Variants in NXPE2 observed in about 807,000 individuals in gnomAD.
The protein encoded by NXPE2 is NXPE family member 2.
Under a neutral mutation model 34.4 loss-of-function variants are expected in NXPE2, and 34 were observed. The observed-to-expected ratio is 0.99, with a 90% CI of 0.75 to 1.31. The LOEUF is 1.31. Ranked by LOEUF, NXPE2 falls within the 40% of genes most tolerant of loss-of-function variation. NXPE2 has a pLI of 0.00. For missense variants in NXPE2, 649 were observed against 672.5 expected (o/e 0.97, Z 0.39); for synonymous variants, 235 against 231.3 (o/e 1.02, Z -0.15).
the NXPE2 span, among the ~76,000 whole-genome samples, chr11:114,569,214 G>A: frequency 6.6e-6 from 1 of 152,144 alleles, no homozygotes; most frequent in Non-Finnish European, 1.5e-5. Flanking sequence ...AATTAAGGAA[G>A]AATATGGTAC....
intron 3 of NXPE2, among the ~76,000 whole-genome samples, chr11:114,702,623 C>G (rs1451387513): frequency 6.6e-6 from 1 of 152,146 alleles, no homozygotes; most frequent in East Asian, 1.9e-4. Context: ...TATTATTATG[C>G]TCATTTTGAA....
the NXPE2 span, among the ~76,000 whole-genome samples, chr11:114,632,296 C>T: frequency 7.6e-6 from 1 of 131,474 alleles, no homozygotes; most frequent in Non-Finnish European, 1.6e-5. Flanking sequence ...GTATATTATC[C>T]ACCACCACCA....
At chr11:114,608,483 T>C in the NXPE2 span, among the ~76,000 whole-genome samples, 1 of 148,824 alleles carries the variant, frequency 6.7e-6, no homozygotes, top group African/African-American at 2.5e-5. Flanking sequence ...TTGTGGGTAA[T>C]CAATGTTACC....
At chr11:114,772,248 A>G in the NXPE2 span, among the ~76,000 whole-genome samples, 1 of 152,232 alleles carries the variant, frequency 6.6e-6, no homozygotes, top group Admixed American at 6.5e-5. Flanking sequence ...GGAATGGAGA[A>G]AAAGGGAGTT....
chr11:114,548,459 T>C, the NXPE2 span, among the ~76,000 whole-genome samples: 2 of 152,002 alleles, frequency 1.3e-5, no homozygotes, highest in South Asian at 4.1e-4. Context: ...GTAGAAATAA[T>C]AATAAAGGCA....
intron 2 of NXPE2, 29 bp from the exon 3 acceptor site, chr11:114,698,016 A>G: frequency 6.9e-7 from 1 of 1,446,588 alleles, no homozygotes; most frequent in Non-Finnish European, 9.1e-7. Flanking sequence ...TTTGCTGATG[A>G]TATTTTCTTT....
the NXPE2 span, among the ~76,000 whole-genome samples, chr11:114,808,176 T>A: frequency 6.6e-6 from 1 of 152,200 alleles, no homozygotes; most frequent in African/African-American, 2.4e-5. Context: ...CCAGAATCTC[T>A]GGGACACATT....
At chr11:114,503,604 T>C in the NXPE2 span, among the ~76,000 whole-genome samples, 2 of 151,218 alleles carry the variant, frequency 1.3e-5, no homozygotes, top group Admixed American at 1.3e-4. Context: ...GCAGAAAATA[T>C]AGCAAAAATA....
the NXPE2 span, among the ~76,000 whole-genome samples, chr11:114,539,794 A>G: frequency 2.0e-5 from 3 of 152,182 alleles, no homozygotes; most frequent in African/African-American, 7.2e-5. Flanking sequence ...AAAGAAGTAG[A>G]TACCTTAGAA....
chr11:114,515,334 C>A, the NXPE2 span, among the ~76,000 whole-genome samples: 6 of 152,106 alleles, frequency 3.9e-5, no homozygotes, highest in African/African-American at 1.4e-4. Flanking sequence ...TAACTTGTAA[C>A]CTCCAGTAAT....
At chr11:114,782,490 G>A in the NXPE2 span, among the ~76,000 whole-genome samples, 2 of 152,218 alleles carry the variant, frequency 1.3e-5, no homozygotes, top group Non-Finnish European at 2.9e-5. Context: ...CAACCATTTT[G>A]TGCCTTATGC....
chr11:114,563,894 T>C, the NXPE2 span, among the ~76,000 whole-genome samples: 1 of 152,174 alleles, frequency 6.6e-6, no homozygotes, highest in African/African-American at 2.4e-5. Flanking sequence ...AGTACAACCA[T>C]TGTGGAAAAC....
At chr11:114,555,074 C>T in the NXPE2 span, among the ~76,000 whole-genome samples, 1 of 151,408 alleles carries the variant, frequency 6.6e-6, no homozygotes. Flanking sequence ...AGCCTGTCTA[C>T]ATCTACCTAT....
chr11:114,662,975 G>A, the NXPE2 span, among the ~76,000 whole-genome samples: 2 of 152,150 alleles, frequency 1.3e-5, no homozygotes, highest in South Asian at 4.1e-4. Flanking sequence ...CCACAATGGA[G>A]GAGAGCAACA....
the NXPE2 span, among the ~76,000 whole-genome samples, chr11:114,639,891 A>G: frequency 8.6e-6 from 1 of 115,946 alleles, no homozygotes; most frequent in Non-Finnish European, 1.6e-5. Flanking sequence ...AATATGTTAT[A>G]TATTATATTA....
the NXPE2 span, among the ~76,000 whole-genome samples, chr11:114,488,239 C>T: frequency 2.6e-5 from 4 of 152,020 alleles, no homozygotes; most frequent in South Asian, 2.1e-4. Flanking sequence ...GGAGGTTTTA[C>T]GTGCCTAGGA....
chr11:114,523,003 T>G, the NXPE2 span: 5 of 1,613,718 alleles, frequency 3.1e-6, no homozygotes, highest in African/African-American at 5.3e-5. Context: ...GGTTGCAAAA[T>G]GTTGTTATCC....
At chr11:114,470,621 G>A in the NXPE2 span, among the ~76,000 whole-genome samples, 3 of 143,282 alleles carry the variant, frequency 2.1e-5, no homozygotes, top group Non-Finnish European at 3.1e-5. Context: ...GTGTGTGTGT[G>A]TGTATACAGA....
the NXPE2 span, among the ~76,000 whole-genome samples, chr11:114,664,756 C>T: frequency 5.9e-5 from 9 of 152,116 alleles, no homozygotes; most frequent in Non-Finnish European, 8.8e-5. Flanking sequence ...GATCTGTTCC[C>T]CTAGCAATAT....
Sources: allele counts gnomAD v4.1 joint callset (sites outside exome capture counted in the v4.1 genomes callset), GRCh38; gene constraint gnomAD v4.1.1; transcripts MANE v1.5; gene names NCBI Gene and HGNC (gene_info 2026-07-23, HGNC 2026-07-21).